The following NCAN variants were observed in gnomAD, a reference collection of about 807,000 sequenced individuals.
NCAN encodes neurocan.
In NCAN, 47 loss-of-function variants were observed where a neutral mutation model predicts 121.8. The observed-to-expected ratio is 0.39, with a 90% confidence interval of 0.31 to 0.49. NCAN has a LOEUF of 0.49. Ranked by LOEUF, NCAN falls within the 20% of genes least tolerant of loss-of-function variation. The probability of loss-of-function intolerance (pLI) is 0.92; values close to 1 mark genes in which losing one functional copy is unlikely to be tolerated. For synonymous variants in NCAN, 633 were observed against 702.0 expected (o/e 0.90, Z 1.55); for missense variants, 1,517 against 1,773.4 (o/e 0.86, Z 2.60).
At position 19,219,853 on chromosome 19, in the gene NCAN, C is replaced by G. The variant is rs558633492; in HGVS notation, c.475+537C>G. ...CAGTGTGGCCAACATGGTGAAACCC[C>G]GTCTTTAAAAAAAAAAAAAAAAAAT... is the stretch of plus-strand genomic sequence containing the variant. On this transcript the variant is annotated intron_variant, in intron 3 of 14. Coordinates refer to ENST00000252575, the MANE Select transcript of NCAN (RefSeq NM_004386.3). Among the ~76,000 whole-genome samples the G allele has an allele frequency of 7.1e-4, 100 of 141,442 alleles. 1 individual carries two copies. The highest frequency in any genetic ancestry group is 2.4e-3 in the African/African-American group (87 of 36,094). 92.8% of individuals were successfully genotyped at this position (141,442 alleles called of 152,430 possible). A position where few individuals can be genotyped will look rare whatever the true frequency, so the allele number is the denominator to read the frequency against.
intron 3 of NCAN, among the ~76,000 whole-genome samples, chr19:19,222,064 T>C (rs1254476231): frequency 6.6e-6 from 1 of 152,112 alleles, no homozygotes; most frequent in East Asian, 1.9e-4. Context: ...AAGTCCCTGA[T>C]TCCTGTCTTG....
Position 19,250,428 on chromosome 19 carries a change from C to G in NCAN, c.*517C>G. 1.9e-5 allele frequency: 6 copies of G among 309,372 alleles called. No individual in the cohort carries two copies. The highest frequency in any genetic ancestry group is 2.5e-5 in the Non-Finnish European group (4 of 157,938). 19.2% of individuals were successfully genotyped at this position (309,372 alleles called of 1,614,324 possible). A position where few individuals can be genotyped will look rare whatever the true frequency, so the allele number is the denominator to read the frequency against. ...AACTTGACAACAGCTCTCCCTTTAC[C>G]CTGGACTTCAGCCCAAGTTCCGTCT... On this transcript the variant is annotated 3_prime_UTR_variant, in exon 15 of 15. Coordinates refer to ENST00000252575, the MANE Select transcript of NCAN (RefSeq NM_004386.3).
chr19:19,213,954 ACT>A (rs2060786284), intron 1 of NCAN, among the ~76,000 whole-genome samples: 1 of 152,034 alleles, frequency 6.6e-6, no homozygotes, highest in Admixed American at 6.6e-5. Flanking sequence ...GGTCACTCAG[ACT>A]CACACACATC....
chr19:19,224,312 T>C lies in NCAN; in HGVS notation c.657T>C (p.Pro219=). The C allele has an allele frequency of 6.2e-7, 1 of 1,613,622 alleles. No homozygotes were observed. The part of the protein sequence containing the change: ...GWLSDRTVRY[P]ITQSRPGCYG... ...CCTCCCCTTGTGTTGTCAGGTATCCTATCACCCAGTCCCGTCCTGGTTGCT... is the reference window on the plus strand; with the variant it reads ...CCTCCCCTTGTGTTGTCAGGTATCCCATCACCCAGTCCCGTCCTGGTTGCT... Residue 219 remains proline, a synonymous_variant, in exon 5 of 15, where the codon CCT becomes CCC. Transcript: ENST00000252575.
intron 6 of NCAN, 92 bp from the exon 7 acceptor site, chr19:19,226,394 T>C (rs2060836934): frequency 6.0e-6 from 6 of 996,964 alleles, no homozygotes; most frequent in African/African-American, 1.6e-5. Flanking sequence ...AGAAGGCTTA[T>C]GCTGCAGCAT....
At chr19:19,248,611 C>T (rs10423659) in intron 13 of NCAN, 89 bp from the exon 14 acceptor site, 23,013 of 1,361,796 alleles carry the variant, frequency 0.017, 1,367 homozygotes, top group African/African-American at 0.16. Context: ...GGTGACAGAG[C>T]GAAACTCTGT....
chr19:19,219,819 G>T (rs1289991390), intron 3 of NCAN, among the ~76,000 whole-genome samples: 2 of 149,236 alleles, frequency 1.3e-5, no homozygotes, highest in Non-Finnish European at 3.0e-5. Context: ...GAGGTCAGGA[G>T]TTTGAGACCA....
intron 13 of NCAN, 128 bp downstream of exon 13, chr19:19,245,585 C>G: frequency 9.3e-7 from 1 of 1,079,298 alleles, no homozygotes; most frequent in Non-Finnish European, 1.3e-6. Context: ...TCAAGCCATC[C>G]TCCTGCCTCA....
chr19:19,221,275 C>T (rs1341279283), intron 3 of NCAN, among the ~76,000 whole-genome samples: 1 of 150,770 alleles, frequency 6.6e-6, no homozygotes, highest in East Asian at 2.0e-4. Context: ...CGCAGTGGCT[C>T]ACGCCTGTAA....
In NCAN at chr19:19,214,727, G is replaced by GGTGT. The variant is rs56279536; in HGVS notation, c.-7-2186_-7-2183dup. ...TGGATGTAGTCTGACCTGTTAACGGGGTGTGTGTGTGTGTGTGTGTGTGTG... is the reference window on the plus strand; with the variant it reads ...TGGATGTAGTCTGACCTGTTAACGGGGTGTGTGTGTGTGTGTGTGTGTGTGTGTG... On this transcript the variant is annotated intron_variant, in intron 1 of 14. Transcript: ENST00000252575. Among the ~76,000 whole-genome samples the GGTGT allele has an allele frequency of 4.1e-3, 577 of 141,222 alleles. 2 individuals carry two copies. Among genetic ancestry groups the GGTGT allele is most frequent in the East Asian group, 0.024 (114 of 4,696 alleles). The allele number at this position is 141,222 out of a possible 152,430, so 92.6% of individuals were successfully genotyped here. A position where few individuals can be genotyped will look rare whatever the true frequency, so the allele number is the denominator to read the frequency against.
intron 8 of NCAN, among the ~76,000 whole-genome samples, chr19:19,233,450 T>C (rs2060868657): frequency 6.6e-6 from 1 of 151,994 alleles, no homozygotes; most frequent in Admixed American, 6.6e-5. Flanking sequence ...GACACTGAAG[T>C]CAGGGAGGAC....
chr19:19,215,048 G>C (rs1187703546), intron 1 of NCAN, among the ~76,000 whole-genome samples: 1 of 152,202 alleles, frequency 6.6e-6, no homozygotes, highest in Non-Finnish European at 1.5e-5. Flanking sequence ...AGCCCTCTCT[G>C]GTCCCTGAGG....
At chr19:19,249,021 C>G in intron 14 of NCAN, 139 bp downstream of exon 14, 1 of 832,222 alleles carries the variant, frequency 1.2e-6, no homozygotes, top group Non-Finnish European at 1.9e-6. Flanking sequence ...GAGAACTTAC[C>G]AGCCTGTCTG....
intron 8 of NCAN, among the ~76,000 whole-genome samples, chr19:19,231,585 C>T (rs1301571881): frequency 6.6e-6 from 1 of 152,064 alleles, no homozygotes; most frequent in Non-Finnish European, 1.5e-5. Flanking sequence ...GCCTCAGCCT[C>T]CCGAAGTGCT....
intron 12 of NCAN, 109 bp from the exon 13 acceptor site, chr19:19,245,204 T>A: frequency 7.4e-7 from 1 of 1,352,522 alleles, no homozygotes; most frequent in South Asian, 1.4e-5. Context: ...GAACACTGAA[T>A]CCCTGTGAGT....
chr19:19,238,547 G>A, intron 11 of NCAN, 136 bp downstream of exon 11: 1 of 975,810 alleles, frequency 1.0e-6, no homozygotes, highest in Non-Finnish European at 1.6e-6. Flanking sequence ...ATTAACGCAA[G>A]CCCTGACTGC....
At chr19:19,246,635 G>A (rs770077087) in intron 13 of NCAN, among the ~76,000 whole-genome samples, 2 of 152,168 alleles carry the variant, frequency 1.3e-5, no homozygotes, top group Non-Finnish European at 2.9e-5. Context: ...TGAGGTTCAA[G>A]CGATTCTCCT....
chr19:19,225,095 G>T lies in NCAN; in HGVS notation c.897G>T (p.Glu299Asp). 1 of 1,534,198 alleles carries T rather than the reference G, an allele frequency of 6.5e-7. No homozygotes were observed. Among genetic ancestry groups the T allele is most frequent in the East Asian group, 2.5e-5 (1 of 40,116 alleles). Residue 299 changes from glutamate to aspartate, a missense_variant, in exon 6 of 15, where the codon GAG (glutamate) becomes GAT (aspartate). By Grantham distance (45) the Glu-to-Asp change is conservative (BLOSUM62 2). Transcript: ENST00000252575. The surrounding 1 kb of genome is among the most constrained non-coding windows in gnomAD (Gnocchi z 4.0). ...GACAGCTGCACCTGGCCTGGCATGA[G>T]GGCCTGGACCAGTGCGACCCGGGCT... ...SVGQLHLAWHEGLDQCDPGWL... is the reference protein window; with the variant it reads ...SVGQLHLAWHDGLDQCDPGWL...
rs571326177 is a variant in NCAN at position 19,225,627 on chromosome 19, G to C, written c.1072+357G>C. 1.3e-5 allele frequency among the ~76,000 whole-genome samples: 2 copies of C among 152,322 alleles called. No individual in the cohort carries two copies. The highest frequency in any genetic ancestry group is 4.1e-4 in the South Asian group (2 of 4,824). ...CACGCCCATACGCAGAAACACCCCC[G>C]TGGAAGAGATAATGCCTCAATTGGC... On this transcript the variant is annotated intron_variant, in intron 6 of 14. Transcript: ENST00000252575. The surrounding 1 kb of genome is among the most constrained non-coding windows in gnomAD (Gnocchi z 4.0).
Sources: gnomAD v4.1 joint callset for allele counts (sites outside exome capture counted in the v4.1 genomes callset) on GRCh38, gnomAD v4.1.1 for gene constraint, Gnocchi (gnomAD v3.1) non-coding constraint, MANE v1.5 for transcripts, NCBI Gene and HGNC (gene_info 2026-07-23, HGNC 2026-07-21) for gene names.